NAALADL2: variants seen among roughly 807,000 people sequenced by gnomAD.
The protein encoded by NAALADL2 is inactive N-acetylated-alpha-linked acidic dipeptidase-like protein 2.
A neutral mutation model predicts 87.2 loss-of-function variants in NAALADL2; 76 were observed. The ratio of observed to expected loss-of-function variants is 0.87; its 90% CI spans 0.72 to 1.05. The LOEUF (loss-of-function observed/expected upper bound fraction) is 1.05, where lower values mean the gene tolerates loss of function less well. NAALADL2 is among the 50% of genes least tolerant of loss of function. The probability of loss-of-function intolerance (pLI) is 0.00; values close to 1 mark genes in which losing one functional copy is unlikely to be tolerated. For missense variants in NAALADL2, 1,089 were observed against 945.8 expected (o/e 1.15, Z -1.99); for synonymous variants, 354 against 331.0 (o/e 1.07, Z -0.75).
At chr3:175,503,466 G>T (rs553959351) in intron 9 of NAALADL2, among the ~76,000 whole-genome samples, 2 of 152,234 alleles carry the variant, frequency 1.3e-5, no homozygotes, top group Admixed American at 1.3e-4. Context: ...TTGCTAGGTG[G>T]AATGGTAATT....
At chr3:175,689,133 A>G (rs546837078) in intron 11 of NAALADL2, among the ~76,000 whole-genome samples, 1 of 152,322 alleles carries the variant, frequency 6.6e-6, no homozygotes, top group Non-Finnish European at 1.5e-5. Flanking sequence ...GTAATTAAAG[A>G]AAAGTGAAAA....
chr3:175,451,317 G>C (rs142332675), intron 6 of NAALADL2, among the ~76,000 whole-genome samples: 1 of 151,780 alleles, frequency 6.6e-6, no homozygotes, highest in Non-Finnish European at 1.5e-5. Flanking sequence ...CATTTGTATC[G>C]CTGCGAGAAC....
chr3:175,796,080 GGA>G (rs1361588279), intron 13 of NAALADL2, among the ~76,000 whole-genome samples: 2 of 145,706 alleles, frequency 1.4e-5, no homozygotes, highest in African/African-American at 2.6e-5. Flanking sequence ...GGAGGGAGAA[GGA>G]GAGAGAGTGG....
intron 1 of NAALADL2, among the ~76,000 whole-genome samples, chr3:174,924,776 T>C (rs759457001): frequency 6.6e-6 from 1 of 152,208 alleles, no homozygotes; most frequent in Non-Finnish European, 1.5e-5. Context: ...AGATGGTATC[T>C]CATTGTGGTT....
chr3:175,341,356 A>G (rs995087538), intron 5 of NAALADL2, among the ~76,000 whole-genome samples: 5 of 152,180 alleles, frequency 3.3e-5, no homozygotes, highest in Admixed American at 2.0e-4. Context: ...ATGGCTGAAT[A>G]CTATCCCATT....
chr3:175,036,727 T>C (rs538823187), intron 1 of NAALADL2, among the ~76,000 whole-genome samples: 1 of 152,076 alleles, frequency 6.6e-6, no homozygotes, highest in African/African-American at 2.4e-5. Context: ...AACTTGATGT[T>C]TTACTACTTT....
chr3:175,764,495 C>T (rs1052827420), intron 13 of NAALADL2, among the ~76,000 whole-genome samples: 2 of 151,948 alleles, frequency 1.3e-5, no homozygotes, highest in African/African-American at 4.8e-5. Flanking sequence ...CCAGAATGAC[C>T]TTGTGGAAGC....
chr3:174,517,500 C>T (rs1234664191), intron 1 of NAALADL2, among the ~76,000 whole-genome samples: 3 of 152,030 alleles, frequency 2.0e-5, no homozygotes, highest in Non-Finnish European at 4.4e-5. Context: ...TGTTCTTTCT[C>T]TTTTTTAATC....
chr3:175,300,539 T>A (rs1018117619), intron 4 of NAALADL2, among the ~76,000 whole-genome samples: 1 of 152,112 alleles, frequency 6.6e-6, no homozygotes, highest in Admixed American at 6.6e-5. Context: ...TCGAGGAATT[T>A]ACCCATTTCT....
chr3:175,653,563 C>G lies in NAALADL2; in HGVS notation c.1896+26177C>G, dbSNP rs76852569. Among the ~76,000 whole-genome samples, 361 of 152,254 alleles carry G rather than the reference C, an allele frequency of 2.4e-3. 6 individuals carry two copies. The East Asian group carries it at 0.041, about 17-fold the overall frequency. On this transcript the variant is annotated intron_variant, in intron 11 of 13. Transcript: ENST00000454872. Reference sequence around the variant, plus strand: ...GACATGTATTTGTAAGCCCTTCACTCCCCCAGCCCCCACCACCTTTTCGTT... The same window carrying G: ...GACATGTATTTGTAAGCCCTTCACTGCCCCAGCCCCCACCACCTTTTCGTT...
In NAALADL2 at chr3:175,586,962, T is replaced by A. The variant is rs570399870; in HGVS notation, c.1800+10775T>A. On this transcript the variant is annotated intron_variant, in intron 10 of 13. Coordinates refer to ENST00000454872, the MANE Select transcript of NAALADL2 (RefSeq NM_207015.3). The stretch of plus-strand genomic sequence containing the variant: ...GCAAACCCCATTGACTACCACTGGT[T>A]TGAAGACTTCCAGCAGTTCAGGGAT... Among the ~76,000 whole-genome samples the A allele has an allele frequency of 2.1e-3, 313 of 151,584 alleles. 1 individual carries two copies. The highest frequency in any genetic ancestry group is 7.2e-3 in the African/African-American group (299 of 41,370).
intron 11 of NAALADL2, among the ~76,000 whole-genome samples, chr3:175,633,417 G>C (rs954080279): frequency 6.6e-6 from 1 of 151,860 alleles, no homozygotes; most frequent in African/African-American, 2.4e-5. Context: ...TTGGTAACTT[G>C]TATTAAAACA....
intron 11 of NAALADL2, among the ~76,000 whole-genome samples, chr3:175,650,312 G>T (rs530022989): frequency 6.6e-6 from 1 of 152,230 alleles, no homozygotes; most frequent in East Asian, 1.9e-4. Context: ...GACTAGGTCT[G>T]GGGGACAGTG....
intron 5 of NAALADL2, among the ~76,000 whole-genome samples, chr3:175,381,947 A>G (rs962285108): frequency 3.3e-5 from 5 of 152,050 alleles, no homozygotes; most frequent in African/African-American, 1.2e-4. Context: ...TTGGTGCCCT[A>G]GTTTTCCTAT....
At chr3:175,453,649 T>G (rs1357148530) in intron 6 of NAALADL2, among the ~76,000 whole-genome samples, 2 of 152,122 alleles carry the variant, frequency 1.3e-5, no homozygotes, top group African/African-American at 4.8e-5. Flanking sequence ...TAGAATATGT[T>G]GTTTCCTCTT....
intron 3 of NAALADL2, among the ~76,000 whole-genome samples, chr3:174,832,392 G>A (rs1388464833): frequency 1.3e-5 from 2 of 152,106 alleles, no homozygotes; most frequent in Non-Finnish European, 2.9e-5. Context: ...GGAGCAGGAT[G>A]TTCAGTTTCC....
At chr3:175,722,571 T>C (rs900947378) in intron 11 of NAALADL2, among the ~76,000 whole-genome samples, 1 of 152,272 alleles carries the variant, frequency 6.6e-6, no homozygotes, top group South Asian at 2.1e-4. Context: ...AAATAAAATA[T>C]GTACATTACT....
chr3:175,604,394 C>T (rs534938001), intron 10 of NAALADL2, among the ~76,000 whole-genome samples: 4 of 151,048 alleles, frequency 2.6e-5, no homozygotes, highest in Non-Finnish European at 5.9e-5. Flanking sequence ...AGCTCCGCCT[C>T]CCGGGTTCAC....
intron 1 of NAALADL2, among the ~76,000 whole-genome samples, chr3:174,875,876 T>C (rs528460331): frequency 1.3e-5 from 2 of 152,206 alleles, no homozygotes; most frequent in East Asian, 1.9e-4. Context: ...GAGTGATAAA[T>C]GCTTAGGAGA....
Sources: allele counts gnomAD v4.1 joint callset (sites outside exome capture counted in the v4.1 genomes callset), GRCh38; gene constraint gnomAD v4.1.1; transcripts MANE v1.5; gene names NCBI Gene and HGNC (gene_info 2026-07-23, HGNC 2026-07-21).